Variants in GLG1 observed in about 807,000 individuals in gnomAD.
GLG1 encodes golgi glycoprotein 1, also known as Golgi apparatus protein 1.
A neutral mutation model predicts 160.5 loss-of-function variants in GLG1; 38 were observed. The ratio of observed to expected loss-of-function variants is 0.24; its 90% CI spans 0.18 to 0.31. The LOEUF (loss-of-function observed/expected upper bound fraction) is 0.31. Among genes scored for constraint, GLG1 ranks in the 10% least tolerant of loss-of-function variants. The pLI is 1.00. For synonymous variants in GLG1, 644 were observed against 543.4 expected (o/e 1.19, Z -2.57); for missense variants, 1,373 against 1,505.2 (o/e 0.91, Z 1.45).
At position 74,453,243 on chromosome 16, in the gene GLG1, A is replaced by G. The variant is rs751393740; in HGVS notation, c.3464T>C (p.Ile1155Thr). 1.2e-6 allele frequency: 2 copies of G among 1,613,344 alleles called. No individual in the cohort carries two copies. The highest frequency in any genetic ancestry group is 1.7e-6 in the Non-Finnish European group (2 of 1,179,350). Residue 1155 changes from isoleucine to threonine, a missense_variant, in exon 26 of 26, where the codon ATC (isoleucine) becomes ACC (threonine). Ile to Thr is a moderately conservative substitution (Grantham distance 89, BLOSUM62 -1). Transcript: ENST00000422840. ...NYILSVISGS[I>T]CILFLIGLMC... ...CAGGCCAATCAGGAACAATATACAG[A>G]TGCTCCCACTGATCACAGAGAGAAT...
At chr16:74,460,409 G>A (rs1483212304) in intron 22 of GLG1, among the ~76,000 whole-genome samples, 1 of 152,166 alleles carries the variant, frequency 6.6e-6, no homozygotes, top group Non-Finnish European at 1.5e-5. Context: ...CTCCTACCTT[G>A]GCCTCCCAAA....
At position 74,451,263 on chromosome 16, in the gene GLG1, T is replaced by A. The variant is rs1023006556; in HGVS notation, c.*1904A>T. The A allele has an allele frequency of 6.6e-6, 1 of 152,130 alleles. No individual in the cohort carries two copies. The highest frequency in any genetic ancestry group is 1.5e-5 in the Non-Finnish European group (1 of 68,046). The allele number at this position is 152,130 out of a possible 1,614,324, so 9.4% of individuals were successfully genotyped here. ...GAGACTGAAGCATCCCAGACAGCTG[T>A]TGACAATCAGGAAGACCCTACAAGC... On this transcript the variant is annotated 3_prime_UTR_variant, in exon 26 of 26. Transcript: ENST00000422840.
chr16:74,603,932 T>C (rs1408836591), intron 1 of GLG1, among the ~76,000 whole-genome samples: 1 of 151,562 alleles, frequency 6.6e-6, no homozygotes, highest in Non-Finnish European at 1.5e-5. Context: ...TATTTCATAG[T>C]GGACCCATGA....
At chr16:74,536,756 T>C (rs2017698415) in intron 1 of GLG1, among the ~76,000 whole-genome samples, 1 of 152,174 alleles carries the variant, frequency 6.6e-6, no homozygotes, top group South Asian at 2.1e-4. Context: ...TATGAGTATG[T>C]ATCTACTGGG....
chr16:74,567,443 G>A (rs1384302043), intron 1 of GLG1, among the ~76,000 whole-genome samples: 2 of 151,904 alleles, frequency 1.3e-5, no homozygotes, highest in South Asian at 2.1e-4. Flanking sequence ...AAACATTGGG[G>A]TTTCCTAGGA....
chr16:74,462,066 C>T (rs568017238), intron 22 of GLG1, 28 bp downstream of exon 22: 8 of 1,184,986 alleles, frequency 6.8e-6, no homozygotes, highest in African/African-American at 1.5e-5. Context: ...CAGCTCTGTG[C>T]GTAACCAGTT....
chr16:74,549,575 T>C (rs906328214), intron 1 of GLG1, among the ~76,000 whole-genome samples: 12 of 151,794 alleles, frequency 7.9e-5, no homozygotes, highest in African/African-American at 2.7e-4. Context: ...CGTGAGCCGC[T>C]GCGCCTGGCC....
intron 2 of GLG1, among the ~76,000 whole-genome samples, chr16:74,519,459 T>C (rs2017089996): frequency 6.6e-6 from 1 of 151,946 alleles, no homozygotes; most frequent in African/African-American, 2.4e-5. Flanking sequence ...GTTCTGCATA[T>C]GTAACCCATA....
chr16:74,570,214 T>G (rs1482659646), intron 1 of GLG1, among the ~76,000 whole-genome samples: 1 of 152,158 alleles, frequency 6.6e-6, no homozygotes, highest in East Asian at 1.9e-4. Context: ...CTAGGTGCTT[T>G]TGTACACACA....
chr16:74,454,687 A>T lies in GLG1; in HGVS notation c.3373-1353T>A, dbSNP rs1433204908. Among the ~76,000 whole-genome samples, 17 of 143,384 alleles carry T rather than the reference A, an allele frequency of 1.2e-4. 2 individuals are homozygous for T. Among genetic ancestry groups the T allele is most frequent in the Admixed American group, 1.2e-3 (17 of 14,716 alleles). 94.1% of individuals were successfully genotyped at this position (143,384 alleles called of 152,430 possible). A position where few individuals can be genotyped will look rare whatever the true frequency, so the allele number is the denominator to read the frequency against. ...TCCCCAAAAAAAAAAAAAAAAAAAA[A>T]AAAAAAAAAAAAATTTTTTTTTTTG... On this transcript the variant is annotated intron_variant, in intron 25 of 25. Coordinates refer to ENST00000422840, the MANE Select transcript of GLG1 (RefSeq NM_001145667.2).
intron 1 of GLG1, among the ~76,000 whole-genome samples, chr16:74,605,412 G>C (rs886752400): frequency 7.9e-5 from 12 of 152,130 alleles, no homozygotes; most frequent in Non-Finnish European, 1.6e-4. Flanking sequence ...CTAGTTTGAT[G>C]AAACGACATC....
At chr16:74,499,270 T>C (rs2016323165) in intron 4 of GLG1, among the ~76,000 whole-genome samples, 1 of 152,166 alleles carries the variant, frequency 6.6e-6, no homozygotes, top group Non-Finnish European at 1.5e-5. Context: ...AGACAGGGTC[T>C]TGCTCTGTTG....
At chr16:74,598,393 C>T (rs985845205) in intron 1 of GLG1, among the ~76,000 whole-genome samples, 15 of 150,990 alleles carry the variant, frequency 9.9e-5, no homozygotes, top group African/African-American at 3.7e-4. Context: ...TGGTGGCGGG[C>T]GCCTGTAGTC....
At chr16:74,505,063 T>A (rs2016546081) in intron 3 of GLG1, among the ~76,000 whole-genome samples, 1 of 152,204 alleles carries the variant, frequency 6.6e-6, no homozygotes, top group Admixed American at 6.5e-5. Flanking sequence ...CAAGAAACAG[T>A]GCTTTATTTG....
At chr16:74,606,636 G>C in intron 1 of GLG1, 21 bp downstream of exon 1, 1 of 1,534,656 alleles carries the variant, frequency 6.5e-7, no homozygotes, top group East Asian at 2.3e-5. Flanking sequence ...TGGCCCTCCC[G>C]GCTTCGTCCC....
intron 1 of GLG1, among the ~76,000 whole-genome samples, chr16:74,543,344 G>A (rs1448331319): frequency 6.6e-6 from 1 of 152,200 alleles, no homozygotes. Flanking sequence ...GCACATGCCT[G>A]CAGTCTCAGC....
intron 2 of GLG1, among the ~76,000 whole-genome samples, chr16:74,529,793 C>T (rs2017467197): frequency 6.8e-6 from 1 of 147,046 alleles, no homozygotes. Flanking sequence ...CCTTCCTATT[C>T]CTTGGCTCTT....
intron 1 of GLG1, among the ~76,000 whole-genome samples, chr16:74,585,889 C>G (rs755084182): frequency 2.4e-4 from 36 of 151,688 alleles, no homozygotes; most frequent in Non-Finnish European, 4.3e-4. Context: ...ATGATAAAAC[C>G]CTGTTCCTAC....
At position 74,606,726 on chromosome 16, in the gene GLG1, G is replaced by A. The variant is rs1162263910; in HGVS notation, c.369C>T (p.Thr123=). 6.2e-7 allele frequency: 1 copy of A among 1,612,824 alleles called. No homozygotes were observed. The highest frequency in any genetic ancestry group is 2.2e-5 in the East Asian group (1 of 44,848). The change falls in exon 1 of 26, where the codon ACC becomes ACT. Residue 123 remains threonine, a synonymous_variant. Transcript: ENST00000422840. ...AEEESCREDV[T]RVCPKHTWSN... is the part of the protein sequence containing the mutation. ...TCCAGGTGTGCTTAGGGCACACGCG[G>A]GTCACGTCCTCCCTGCAGGACTCTT... is the stretch of plus-strand genomic sequence containing the variant.
Sources: gnomAD v4.1 joint callset for allele counts (sites outside exome capture counted in the v4.1 genomes callset) on GRCh38, gnomAD v4.1.1 for gene constraint, MANE v1.5 for transcripts, NCBI Gene and HGNC (gene_info 2026-07-23, HGNC 2026-07-21) for gene names.